The following ITGA9 variants were observed in gnomAD, a reference collection of about 807,000 sequenced individuals.
ITGA9 encodes the protein integrin subunit alpha 9, also known as integrin alpha-9.
ITGA9 carries 56 observed loss-of-function variants against 127.8 expected under a neutral mutation model. The ratio of observed to expected loss-of-function variants is 0.44; its 90% confidence interval spans 0.35 to 0.55. The LOEUF is 0.55. Among genes scored for constraint, ITGA9 ranks in the 20% least tolerant of loss-of-function variants. The probability of loss-of-function intolerance (pLI) is 0.00; values close to 1 mark genes in which losing one functional copy is unlikely to be tolerated. For missense variants in ITGA9, 1,196 were observed against 1,347.1 expected (o/e 0.89, Z 1.76); for synonymous variants, 508 against 514.5 (o/e 0.99, Z 0.17).
chr3:37,565,357 T>G (rs1699535343), intron 15 of ITGA9, among the ~76,000 whole-genome samples: 1 of 152,126 alleles, frequency 6.6e-6, no homozygotes, highest in Admixed American at 6.5e-5. Context: ...TGGGGTGGTG[T>G]TAGTGGTCAG....
chr3:37,683,627 T>C (rs544737972), intron 17 of ITGA9, among the ~76,000 whole-genome samples: 1 of 152,308 alleles, frequency 6.6e-6, no homozygotes, highest in South Asian at 2.1e-4. Flanking sequence ...GTACAAGATT[T>C]CATGTGAGCC....
intron 23 of ITGA9, among the ~76,000 whole-genome samples, chr3:37,754,698 A>G (rs1395969649): frequency 2.0e-5 from 3 of 152,228 alleles, no homozygotes; most frequent in Non-Finnish European, 4.4e-5. Context: ...TATGGCATGA[A>G]TACCAACATC....
intron 3 of ITGA9, among the ~76,000 whole-genome samples, chr3:37,474,698 A>T (rs1698474269): frequency 6.6e-6 from 1 of 152,174 alleles, no homozygotes; most frequent in Non-Finnish European, 1.5e-5. Context: ...CTGTACGAAG[A>T]TTTTTGTTAT....
intron 18 of ITGA9, among the ~76,000 whole-genome samples, chr3:37,686,912 G>C (rs1700787700): frequency 6.6e-6 from 1 of 152,176 alleles, no homozygotes; most frequent in Non-Finnish European, 1.5e-5. Context: ...ATTCTGACAG[G>C]ACCCAGTGGC....
chr3:37,458,082 A>G (rs1285186369), intron 1 of ITGA9, among the ~76,000 whole-genome samples: 2 of 152,232 alleles, frequency 1.3e-5, no homozygotes, highest in South Asian at 2.1e-4. Flanking sequence ...GTTGCATGGA[A>G]TTTTAACAAC....
intron 15 of ITGA9, among the ~76,000 whole-genome samples, chr3:37,601,537 TCCTGAGGTAGCTTC>T (rs1468479404): frequency 1.3e-5 from 2 of 152,184 alleles, no homozygotes; most frequent in African/African-American, 4.8e-5. Context: ...AGCAGCATAT[TCCTGAGGTAGCTTC>T]ATATGATCTC....
At chr3:37,485,545 A>G (rs988655292) in intron 4 of ITGA9, among the ~76,000 whole-genome samples, 1 of 152,144 alleles carries the variant, frequency 6.6e-6, no homozygotes, top group Non-Finnish European at 1.5e-5. Context: ...GAAAGTGCTC[A>G]GCAAGGCCAC....
chr3:37,670,038 C>T (rs867249292), intron 17 of ITGA9, among the ~76,000 whole-genome samples: 70 of 151,942 alleles, frequency 4.6e-4, no homozygotes, highest in Middle Eastern at 3.4e-3. Flanking sequence ...GAGATTTGAA[C>T]TGGAAGAAAT....
chr3:37,768,566 G>A (rs1696805588), intron 23 of ITGA9, among the ~76,000 whole-genome samples: 2 of 152,166 alleles, frequency 1.3e-5, no homozygotes, highest in African/African-American at 2.4e-5. Context: ...AGAGAAGCAG[G>A]CGATAAGTCA....
At chr3:37,601,671 A>G (rs1482992293) in intron 15 of ITGA9, among the ~76,000 whole-genome samples, 2 of 152,232 alleles carry the variant, frequency 1.3e-5, no homozygotes, top group Non-Finnish European at 2.9e-5. Context: ...ATTAGTCTTT[A>G]TCTCTGACAT....
At chr3:37,526,751 G>A (rs1699097299) in intron 13 of ITGA9, among the ~76,000 whole-genome samples, 1 of 152,268 alleles carries the variant, frequency 6.6e-6, no homozygotes, top group South Asian at 2.1e-4. Flanking sequence ...CTTAGGTTTT[G>A]TTAATAACCT....
At chr3:37,511,733 G>C (rs1384644267) in intron 8 of ITGA9, among the ~76,000 whole-genome samples, 1 of 152,158 alleles carries the variant, frequency 6.6e-6, no homozygotes, top group Non-Finnish European at 1.5e-5. Flanking sequence ...AGGGGAGGAA[G>C]ATGGCCTTGG....
intron 15 of ITGA9, among the ~76,000 whole-genome samples, chr3:37,567,060 G>A (rs1575152452): frequency 1.3e-5 from 2 of 152,298 alleles, no homozygotes; most frequent in East Asian, 1.9e-4. Flanking sequence ...GATTTGGGAT[G>A]TGTAGTCTGT....
At chr3:37,721,739 T>C (rs1701192225) in intron 18 of ITGA9, among the ~76,000 whole-genome samples, 2 of 152,188 alleles carry the variant, frequency 1.3e-5, no homozygotes, top group African/African-American at 4.8e-5. Flanking sequence ...ATTTGGCATC[T>C]GCGCTGGAGT....
intron 15 of ITGA9, among the ~76,000 whole-genome samples, chr3:37,624,929 C>T (rs1700162722): frequency 6.6e-6 from 1 of 152,132 alleles, no homozygotes; most frequent in Non-Finnish European, 1.5e-5. Flanking sequence ...TCTATAACAG[C>T]CTCTAGGATC....
rs369038630 is a variant in ITGA9, at chr3:37,779,405, G to A, written c.2668-497G>A. On this transcript the variant is annotated intron_variant, in intron 24 of 27. Coordinates refer to ENST00000264741, the MANE Select transcript of ITGA9 (RefSeq NM_002207.3). ...CAGGCGTGAGCCACTGCGCCCAGCCGAGATTTACGTCTCTATTGTAACTTT... is the reference window on the plus strand; with the variant it reads ...CAGGCGTGAGCCACTGCGCCCAGCCAAGATTTACGTCTCTATTGTAACTTT... 1.2e-3 allele frequency among the ~76,000 whole-genome samples: 182 copies of A among 152,140 alleles called. 1 individual carries two copies. Among genetic ancestry groups the A allele is most frequent in the East Asian group, 1.5e-3 (8 of 5,162 alleles).
chr3:37,601,249 G>A (rs749124466), intron 15 of ITGA9, among the ~76,000 whole-genome samples: 2 of 152,144 alleles, frequency 1.3e-5, no homozygotes, highest in African/African-American at 4.8e-5. Context: ...TTCTCCCTCC[G>A]TGACATCTTT....
intron 5 of ITGA9, among the ~76,000 whole-genome samples, chr3:37,496,294 C>T (rs186239541): frequency 5.3e-5 from 8 of 152,306 alleles, no homozygotes; most frequent in Non-Finnish European, 1.2e-4. Context: ...ATTCTTACCT[C>T]GCTGGAGAAT....
intron 13 of ITGA9, among the ~76,000 whole-genome samples, chr3:37,532,228 C>G (rs1461994075): frequency 6.6e-6 from 1 of 152,220 alleles, no homozygotes; most frequent in Non-Finnish European, 1.5e-5. Context: ...TCTGTTGACC[C>G]CATCTCCCAG....
Sources: allele counts gnomAD v4.1 joint callset (sites outside exome capture counted in the v4.1 genomes callset), GRCh38; gene constraint gnomAD v4.1.1; transcripts MANE v1.5; gene names NCBI Gene and HGNC (gene_info 2026-07-23, HGNC 2026-07-21).